Variants in CLTCL1 observed in about 807,000 individuals in gnomAD.
CLTCL1 encodes the protein clathrin heavy chain 2.
In CLTCL1, 159 loss-of-function variants were observed where a neutral mutation model predicts 190.0. The ratio of observed to expected loss-of-function variants is 0.84; its 90% CI spans 0.74 to 0.95. CLTCL1 has a LOEUF of 0.95. Ranked by LOEUF, CLTCL1 falls within the 40% of genes least tolerant of loss-of-function variation. The pLI is 0.00. For missense variants in CLTCL1, 1,878 were observed against 2,033.4 expected, an observed-to-expected ratio of 0.92 and a Z score of 1.47; for synonymous variants, 752 against 769.6, an observed-to-expected ratio of 0.98 and a Z score of 0.38.
chr22:19,235,727 G>A lies in CLTCL1; in HGVS notation c.938C>T (p.Ser313Phe), dbSNP rs2145896558. The change falls in exon 6 of 33, where the codon TCT (serine) becomes TTT (phenylalanine). Residue 313 changes from serine (S) to phenylalanine (F), a missense_variant. Transcript: ENST00000427926. ...IFVTAPHKPT[S>F]GIIGVNKKGQ... ...CTTTTTGTTGACACCAATAATTCCA[G>A]AGGTTGGTTTGTGTGGAGCAGTGAC... 6.2e-7 allele frequency: 1 copy of A among 1,613,470 alleles called. No homozygotes were observed. Among genetic ancestry groups the A allele is most frequent in the Non-Finnish European group, 8.5e-7 (1 of 1,179,756 alleles).
chr22:19,242,974 G>A lies in CLTCL1; in HGVS notation c.520-38C>T, dbSNP rs782164280. 4 of 1,566,338 alleles carry A rather than the reference G, an allele frequency of 2.6e-6. No homozygotes were observed. The South Asian group carries it at 3.4e-5, about 13-fold the overall frequency. On this transcript the variant is annotated intron_variant, in intron 3 of 32. Coordinates refer to ENST00000427926, the MANE Select transcript of CLTCL1 (RefSeq NM_007098.4). ...ATTATGCAATGAAAGGGAGAGAAAA[G>A]AGAGGAATATAAAGAAACAATTCTT...
rs141279603 is a variant in CLTCL1, at chr22:19,226,711, C to G, written c.1783-328G>C. ...GGATGAGTCCAAGTCACTGTTGCAG[C>G]TTTTAAGCAATCACATTCTTTTTTT... is the stretch of plus-strand genomic sequence containing the variant. On this transcript the variant is annotated intron_variant, in intron 11 of 32. Transcript: ENST00000427926. Among the ~76,000 whole-genome samples the G allele has an allele frequency of 3.9e-5, 6 of 152,252 alleles. No individual in the cohort carries two copies. In the East Asian group the frequency reaches 1.2e-3, roughly 29 times the overall value.
chr22:19,279,860 CAA>C (rs1319226739), intron 1 of CLTCL1, among the ~76,000 whole-genome samples: 3 of 152,146 alleles, frequency 2.0e-5, no homozygotes, highest in Non-Finnish European at 2.9e-5. Flanking sequence ...ATGTATGAAA[CAA>C]AAGACTCTTG....
At chr22:19,194,645 T>C (rs951358889) in intron 26 of CLTCL1, among the ~76,000 whole-genome samples, 1 of 152,166 alleles carries the variant, frequency 6.6e-6, no homozygotes, top group Admixed American at 6.5e-5. Context: ...GGAAACATGA[T>C]GTCCATTGTA....
intron 11 of CLTCL1, among the ~76,000 whole-genome samples, chr22:19,227,277 C>CT (rs11375007): frequency 0.058 from 6,988 of 121,056 alleles, 308 homozygotes; most frequent in Middle Eastern, 0.098. Flanking sequence ...GGCATAAAAT[C>CT]TTTTTTTTTT....
intron 26 of CLTCL1, among the ~76,000 whole-genome samples, chr22:19,193,266 T>C (rs1601462938): frequency 6.6e-6 from 1 of 152,236 alleles, no homozygotes; most frequent in South Asian, 2.1e-4. Context: ...CCATGCAGCA[T>C]GGCCGGAATG....
intron 22 of CLTCL1, among the ~76,000 whole-genome samples, chr22:19,203,964 G>A (rs555550538): frequency 6.5e-4 from 99 of 152,288 alleles, no homozygotes; most frequent in Non-Finnish European, 1.2e-3. Flanking sequence ...TGCCGGCTCT[G>A]CCTTCAACAC....
At chr22:19,259,771 T>A (rs1555974637) in intron 2 of CLTCL1, among the ~76,000 whole-genome samples, 1 of 152,100 alleles carries the variant, frequency 6.6e-6, no homozygotes, top group Admixed American at 6.6e-5. Context: ...ACAACCTTCC[T>A]TGCTAAAGGA....
Position 19,216,127 on chromosome 22 carries a change from C to CA in CLTCL1, c.3048dup (p.Val1017CysfsTer35). On this transcript the variant is annotated frameshift_variant, in exon 19 of 33. Transcript: ENST00000427926. LOFTEE classifies it high-confidence loss of function. ...TAGCCTCACCTGTGCTCGCTGAAGA[C>CA]AGAGTTATCCAGAACTATCTTCTCC... is the stretch of plus-strand genomic sequence containing the variant. 1 of 1,613,788 alleles carries CA rather than the reference C, an allele frequency of 6.2e-7. No homozygotes were observed. Among genetic ancestry groups the CA allele is most frequent in the Non-Finnish European group, 8.5e-7 (1 of 1,179,762 alleles).
At chr22:19,227,449 CTTTTT>C (rs1216657802) in intron 11 of CLTCL1, among the ~76,000 whole-genome samples, 1 of 125,314 alleles carries the variant, frequency 8.0e-6, no homozygotes, top group Non-Finnish European at 1.7e-5. Context: ...CACCTGGCTA[CTTTTT>C]TTTTTTTTTT....
chr22:19,243,438 CA>C (rs2086316836), intron 3 of CLTCL1, among the ~76,000 whole-genome samples: 1 of 152,066 alleles, frequency 6.6e-6, no homozygotes, highest in Non-Finnish European at 1.5e-5. Context: ...GGCAACATAG[CA>C]AGACGCCATC....
intron 1 of CLTCL1, among the ~76,000 whole-genome samples, chr22:19,289,565 G>C (rs1391683248): frequency 6.6e-6 from 1 of 152,142 alleles, no homozygotes; most frequent in African/African-American, 2.4e-5. Flanking sequence ...TGAGACAAGA[G>C]CTTCGTGGGG....
intron 2 of CLTCL1, among the ~76,000 whole-genome samples, chr22:19,259,349 G>T (rs1286907203): frequency 1.3e-5 from 2 of 152,022 alleles, no homozygotes; most frequent in African/African-American, 4.8e-5. Context: ...CAGGTGATCT[G>T]CCCGCCTCGG....
At chr22:19,274,530 A>G (rs2087431208) in intron 2 of CLTCL1, among the ~76,000 whole-genome samples, 1 of 152,216 alleles carries the variant, frequency 6.6e-6, no homozygotes, top group African/African-American at 2.4e-5. Context: ...TAGGGTTGGT[A>G]ATAGAACAAA....
At position 19,184,721 on chromosome 22, in the gene CLTCL1, G is replaced by T; in HGVS notation, c.4606-1110C>A. 2 of 364,854 alleles carry T rather than the reference G, an allele frequency of 5.5e-6. 1 individual carries two copies. Among genetic ancestry groups the T allele is most frequent in the Non-Finnish European group, 1.1e-5 (2 of 181,844 alleles). 22.6% of individuals were successfully genotyped at this position (364,854 alleles called of 1,614,324 possible). ...GGCCCTGCTCTGTTCCTCCTCTGTG[G>T]GCCTTGGGGACTGTCTCACTGCCTT... is the stretch of plus-strand genomic sequence containing the variant. On this transcript the variant is annotated intron_variant, in intron 29 of 32. Coordinates refer to ENST00000427926, the MANE Select transcript of CLTCL1 (RefSeq NM_007098.4).
rs1248973597 is a variant in CLTCL1 at position 19,179,888 on chromosome 22, G to A, written c.*102C>T. ...GTGACAACGCCCACTACACGCGGAA[G>A]TTGTACATTGGAGGCTGGCGAAGTT... is the stretch of plus-strand genomic sequence containing the variant. On this transcript the variant is annotated 3_prime_UTR_variant, in exon 33 of 33. Coordinates refer to ENST00000427926, the MANE Select transcript of CLTCL1 (RefSeq NM_007098.4). 2 of 423,130 alleles carry A rather than the reference G, an allele frequency of 4.7e-6. No individual in the cohort carries two copies. Among genetic ancestry groups the A allele is most frequent in the Non-Finnish European group, 8.6e-6 (2 of 232,662 alleles). 26.2% of individuals were successfully genotyped at this position (423,130 alleles called of 1,614,324 possible).
At position 19,280,882 on chromosome 22, in the gene CLTCL1, A is replaced by AT. The variant is rs1171134035; in HGVS notation, c.43-5053dup. ...ACAAATATTGTATGATTCCATTTAT[A>AT]TCCAGTATGTAGAAGAGTCAAATCT... On this transcript the variant is annotated intron_variant, in intron 1 of 32. Transcript: ENST00000427926. 2.0e-5 allele frequency among the ~76,000 whole-genome samples: 3 copies of AT among 151,682 alleles called. No individual in the cohort carries two copies. The East Asian group carries it at 5.9e-4, about 30-fold the overall frequency.
intron 1 of CLTCL1, 28 bp from the exon 2 acceptor site, chr22:19,275,858 AT>A (rs782518391): frequency 7.4e-5 from 115 of 1,553,364 alleles, no homozygotes; most frequent in Non-Finnish European, 9.5e-5. Flanking sequence ...ATTTGATTAA[AT>A]TTTTTTCCTC....
chr22:19,270,979 A>G (rs1362546029), intron 2 of CLTCL1, among the ~76,000 whole-genome samples: 1 of 151,992 alleles, frequency 6.6e-6, no homozygotes, highest in Non-Finnish European at 1.5e-5. Context: ...AATATTCAGC[A>G]TCACTAAAAG....
Sources: gnomAD v4.1 joint callset for allele counts (sites outside exome capture counted in the v4.1 genomes callset) on GRCh38, gnomAD v4.1.1 for gene constraint, MANE v1.5 for transcripts, NCBI Gene and HGNC (gene_info 2026-07-23, HGNC 2026-07-21) for gene names.